FYB1: variants seen among roughly 807,000 people sequenced by gnomAD.
FYB1 encodes FYN binding protein 1.
FYB1 carries 41 observed loss-of-function variants against 94.1 expected under a neutral mutation model. The observed-to-expected ratio is 0.44, with a 90% CI of 0.34 to 0.57. The LOEUF (loss-of-function observed/expected upper bound fraction) is 0.57, where lower values mean the gene tolerates loss of function less well. Among genes scored for constraint, FYB1 ranks in the 20% least tolerant of loss-of-function variants. The pLI, the probability that FYB1 is intolerant of heterozygous loss-of-function variation, is 0.02. For synonymous variants in FYB1, 367 were observed against 353.2 expected (o/e 1.04, Z -0.44); for missense variants, 1,050 against 976.8 (o/e 1.07, Z -1.00).
chr5:39,151,712 T>C (rs934787125), intron 3 of FYB1, among the ~76,000 whole-genome samples: 1 of 152,228 alleles, frequency 6.6e-6, no homozygotes, highest in Admixed American at 6.5e-5. Flanking sequence ...AAAATACTTG[T>C]TGCATGACTG....
chr5:39,270,483 A>T (rs1752627491), intron 1 of FYB1: 1 of 1,305,806 alleles, frequency 7.7e-7, no homozygotes. Flanking sequence ...CTGACTGTGA[A>T]GCACCCTCAA....
chr5:39,268,089 T>C (rs1194192720), intron 1 of FYB1, among the ~76,000 whole-genome samples: 1 of 152,186 alleles, frequency 6.6e-6, no homozygotes, highest in Non-Finnish European at 1.5e-5. Context: ...TCATAAAGTA[T>C]ATAACACTTA....
At chr5:39,126,483 C>A (rs1250146740) in intron 11 of FYB1, among the ~76,000 whole-genome samples, 1 of 151,620 alleles carries the variant, frequency 6.6e-6, no homozygotes. Context: ...ATTGCTTAAG[C>A]CCAGGAGTTT....
At chr5:39,161,078 G>A (rs913543341) in intron 2 of FYB1, among the ~76,000 whole-genome samples, 1 of 152,208 alleles carries the variant, frequency 6.6e-6, no homozygotes, top group Non-Finnish European at 1.5e-5. Context: ...TGTACGCAGA[G>A]CACTGGTATG....
intron 1 of FYB1, among the ~76,000 whole-genome samples, chr5:39,228,187 A>G (rs1750565896): frequency 6.6e-6 from 1 of 152,204 alleles, no homozygotes; most frequent in Non-Finnish European, 1.5e-5. Flanking sequence ...TAGTTGGTAG[A>G]TAGATAAGTA....
chr5:39,267,250 G>C (rs963603340), intron 1 of FYB1, among the ~76,000 whole-genome samples: 2 of 152,114 alleles, frequency 1.3e-5, no homozygotes, highest in Non-Finnish European at 2.9e-5. Context: ...TTTATTTGGG[G>C]CTGAAATACA....
chr5:39,122,240 C>G, intron 14 of FYB1, 96 bp downstream of exon 14: 2 of 772,318 alleles, frequency 2.6e-6, no homozygotes, highest in Non-Finnish European at 4.5e-6. Flanking sequence ...GGATCGCACA[C>G]AGTAGACACA....
chr5:39,191,426 C>G (rs1275037497), intron 2 of FYB1, among the ~76,000 whole-genome samples: 1 of 152,168 alleles, frequency 6.6e-6, no homozygotes, highest in East Asian at 1.9e-4. Flanking sequence ...ACAGCTGATT[C>G]TACAATGCAG....
chr5:39,139,404 C>A (rs564336938), intron 4 of FYB1, 152 bp from the exon 5 acceptor site: 2 of 620,770 alleles, frequency 3.2e-6, no homozygotes, highest in Admixed American at 7.9e-5. Flanking sequence ...AAATCAAATA[C>A]GTACTTTAGA....
At chr5:39,264,361 C>T (rs1752343622) in intron 1 of FYB1, among the ~76,000 whole-genome samples, 1 of 152,194 alleles carries the variant, frequency 6.6e-6, no homozygotes, top group Non-Finnish European at 1.5e-5. Context: ...ACCAATCTGG[C>T]ATTCTGATCT....
At chr5:39,161,693 A>C (rs1744261790) in intron 2 of FYB1, among the ~76,000 whole-genome samples, 1 of 152,172 alleles carries the variant, frequency 6.6e-6, no homozygotes, top group South Asian at 2.1e-4. Flanking sequence ...AAAAATAACC[A>C]CTGAAGTATA....
intron 13 of FYB1, among the ~76,000 whole-genome samples, chr5:39,123,864 A>T (rs984548138): frequency 6.6e-6 from 1 of 152,160 alleles, no homozygotes; most frequent in Non-Finnish European, 1.5e-5. Flanking sequence ...TAAATATTCA[A>T]AGAAATTAGA....
At chr5:39,214,941 T>C (rs10805638) in intron 1 of FYB1, among the ~76,000 whole-genome samples, 98,211 of 151,994 alleles carry the variant, frequency 0.65, 35,809 homozygotes, top group Non-Finnish European at 0.82. Context: ...AAAAAAAATA[T>C]TGTGTGATTT....
At chr5:39,251,758 A>T (rs567900698) in intron 1 of FYB1, among the ~76,000 whole-genome samples, 25 of 152,288 alleles carry the variant, frequency 1.6e-4, no homozygotes, top group African/African-American at 6.0e-4. Flanking sequence ...ATGTTGTGAA[A>T]ATAGAAGCAA....
At chr5:39,205,316 G>C (rs776492225) in intron 1 of FYB1, among the ~76,000 whole-genome samples, 4 of 152,152 alleles carry the variant, frequency 2.6e-5, no homozygotes, top group Non-Finnish European at 4.4e-5. Context: ...TGGACAAAAG[G>C]CATCAAAATT....
chr5:39,182,464 G>T (rs1746350246), intron 2 of FYB1, among the ~76,000 whole-genome samples: 1 of 151,978 alleles, frequency 6.6e-6, no homozygotes, highest in Non-Finnish European at 1.5e-5. Flanking sequence ...TAGACCTGAG[G>T]TCTACCTTTG....
intron 2 of FYB1, among the ~76,000 whole-genome samples, chr5:39,191,460 A>G (rs1747353361): frequency 6.6e-6 from 1 of 152,014 alleles, no homozygotes; most frequent in Non-Finnish European, 1.5e-5. Flanking sequence ...GGAGAAGGAA[A>G]CCTCGTATGG....
intron 2 of FYB1, among the ~76,000 whole-genome samples, chr5:39,181,797 T>C (rs570388208): frequency 3.6e-4 from 55 of 152,280 alleles, no homozygotes; most frequent in Non-Finnish European, 6.2e-4. Context: ...ACCCAACCTC[T>C]TTTCTCATCT....
At chr5:39,234,983 C>T (rs1192054507) in intron 1 of FYB1, among the ~76,000 whole-genome samples, 2 of 151,842 alleles carry the variant, frequency 1.3e-5, no homozygotes, top group African/African-American at 4.8e-5. Context: ...GTGCAGCAAA[C>T]CACCATGGCA....
Sources: allele counts gnomAD v4.1 joint callset (sites outside exome capture counted in the v4.1 genomes callset), GRCh38; gene constraint gnomAD v4.1.1; transcripts MANE v1.5; gene names NCBI Gene and HGNC (gene_info 2026-07-23, HGNC 2026-07-21).